CNTN1: variants seen among roughly 807,000 people sequenced by gnomAD.
CNTN1 encodes the protein contactin 1, also known as contactin-1.
Under a neutral mutation model 126.4 loss-of-function variants are expected in CNTN1, and 38 were observed. That is an observed-to-expected ratio of 0.30 (90% confidence interval 0.23 to 0.39). The LOEUF (loss-of-function observed/expected upper bound fraction) is 0.39, where lower values mean the gene tolerates loss of function less well. Ranked by LOEUF, CNTN1 falls within the 10% of genes least tolerant of loss-of-function variation. CNTN1 has a pLI of 1.00. For synonymous variants in CNTN1, 413 were observed against 422.6 expected (o/e 0.98, Z 0.28); for missense variants, 1,009 against 1,248.4 (o/e 0.81, Z 2.89).
chr12:40,840,477 C>T (rs1348069412), intron 1 of CNTN1, among the ~76,000 whole-genome samples: 1 of 151,974 alleles, frequency 6.6e-6, no homozygotes, highest in Non-Finnish European at 1.5e-5. Flanking sequence ...TTAAACTAGT[C>T]TTTAGTCCAA....
chr12:40,871,186 G>GAAAAAAAAAAAAAAAAAAAAA (rs201485882), intron 1 of CNTN1, among the ~76,000 whole-genome samples: 2 of 113,510 alleles, frequency 1.8e-5, no homozygotes, highest in Non-Finnish European at 2.0e-5. Flanking sequence ...CTGTTACAGA[G>GAAAAAAAAAAAAAAAAAAAAA]AAAAAAAAAA....
intron 1 of CNTN1, among the ~76,000 whole-genome samples, chr12:40,871,270 C>T (rs1170785022): frequency 6.7e-6 from 1 of 149,856 alleles, no homozygotes; most frequent in Non-Finnish European, 1.5e-5. Context: ...GTGCTATGTT[C>T]AGGAAGCAGG....
At position 40,954,790 on chromosome 12, in the gene CNTN1, A is replaced by G. The variant is rs140726363; in HGVS notation, c.1684-4324A>G. ...CACACAGGGCAGAGTCAAGAAGTACAAAACACAGAGCTTCTATTATCTTCT... is the reference window on the plus strand; with the variant it reads ...CACACAGGGCAGAGTCAAGAAGTACGAAACACAGAGCTTCTATTATCTTCT... On this transcript the variant is annotated intron_variant, in intron 14 of 23. Transcript: ENST00000551295. Among the ~76,000 whole-genome samples the G allele has an allele frequency of 1.8e-3, 275 of 152,210 alleles. 3 individuals carry two copies. Among genetic ancestry groups the G allele is most frequent in the African/African-American group, 6.3e-3 (260 of 41,566 alleles).
chr12:40,799,423 T>A (rs1940563198), intron 1 of CNTN1, among the ~76,000 whole-genome samples: 1 of 151,898 alleles, frequency 6.6e-6, no homozygotes, highest in Non-Finnish European at 1.5e-5. Flanking sequence ...CCTGATGAGT[T>A]TATTTTTTCC....
At chr12:40,714,726 T>G (rs1265707179) in intron 1 of CNTN1, among the ~76,000 whole-genome samples, 1 of 152,118 alleles carries the variant, frequency 6.6e-6, no homozygotes, top group Non-Finnish European at 1.5e-5. Flanking sequence ...AGTGACTATA[T>G]CATATGAATA....
At chr12:41,064,003 A>G (rs1159095265) in intron 23 of CNTN1, among the ~76,000 whole-genome samples, 5 of 151,952 alleles carry the variant, frequency 3.3e-5, no homozygotes, top group South Asian at 4.1e-4. Context: ...GTGAAACCCC[A>G]TCTCTACTAA....
chr12:40,769,829 G>A (rs1939263118), intron 1 of CNTN1, among the ~76,000 whole-genome samples: 1 of 152,024 alleles, frequency 6.6e-6, no homozygotes, highest in African/African-American at 2.4e-5. Flanking sequence ...ATAATAAATT[G>A]TAATATTTAT....
intron 1 of CNTN1, among the ~76,000 whole-genome samples, chr12:40,871,141 T>G (rs1177368622): frequency 2.1e-5 from 3 of 141,252 alleles, no homozygotes; most frequent in Non-Finnish European, 4.5e-5. Context: ...GTCAGTTATG[T>G]AACTAGTGAG....
chr12:41,017,212 A>T, intron 19 of CNTN1, among the ~76,000 whole-genome samples: 1 of 151,254 alleles, frequency 6.6e-6, no homozygotes, highest in Non-Finnish European at 1.5e-5. Flanking sequence ...TTTTGTAGTC[A>T]GAAACTCTCC....
intron 15 of CNTN1, chr12:40,978,604 G>A (rs1371543926): frequency 1.3e-5 from 2 of 151,986 alleles, no homozygotes; most frequent in Non-Finnish European, 1.5e-5. Flanking sequence ...GAAAACAATG[G>A]ACAAGTATAA....
intron 1 of CNTN1, among the ~76,000 whole-genome samples, chr12:40,842,550 A>T (rs969596366): frequency 9.9e-5 from 15 of 152,112 alleles, no homozygotes; most frequent in Non-Finnish European, 1.8e-4. Context: ...TCATTGTAAA[A>T]GAAAAAATAA....
chr12:40,872,206 CTTTGTT>C (rs1565864985), intron 1 of CNTN1, among the ~76,000 whole-genome samples: 4 of 86,914 alleles, frequency 4.6e-5, no homozygotes, highest in African/African-American at 1.8e-4. Flanking sequence ...TTTTCCGTTG[CTTTGTT>C]TGTGTGTGTG....
intron 6 of CNTN1, 71 bp from the exon 7 acceptor site, chr12:40,929,725 T>C (rs1945816859): frequency 2.7e-6 from 3 of 1,123,422 alleles, no homozygotes; most frequent in East Asian, 4.9e-5. Context: ...AGCTTGTTAC[T>C]AGCCTCTATT....
intron 3 of CNTN1, among the ~76,000 whole-genome samples, chr12:40,913,907 A>G (rs1188901041): frequency 1.3e-5 from 2 of 152,194 alleles, no homozygotes; most frequent in African/African-American, 2.4e-5. Flanking sequence ...TAGATTTATG[A>G]TAATCACATT....
intron 23 of CNTN1, among the ~76,000 whole-genome samples, chr12:41,063,333 C>T (rs1358413006): frequency 6.6e-6 from 1 of 152,168 alleles, no homozygotes; most frequent in Non-Finnish European, 1.5e-5. Context: ...ACACGTTTTT[C>T]CAATTACCAC....
chr12:40,704,412 G>T (rs945092433), intron 1 of CNTN1, among the ~76,000 whole-genome samples: 4 of 151,960 alleles, frequency 2.6e-5, no homozygotes, highest in African/African-American at 9.7e-5. Flanking sequence ...TTGCTGTTAG[G>T]TATCTTATGA....
chr12:41,037,451 C>A (rs73126921), intron 23 of CNTN1, among the ~76,000 whole-genome samples: 1,631 of 152,056 alleles, frequency 0.011, 8 homozygotes, highest in Middle Eastern at 0.024. Flanking sequence ...CAGTAATATG[C>A]TTATGCTGTG....
chr12:40,795,212 C>T (rs1311273921), intron 1 of CNTN1, among the ~76,000 whole-genome samples: 1 of 151,598 alleles, frequency 6.6e-6, no homozygotes, highest in Non-Finnish European at 1.5e-5. Context: ...CTTGCCAACC[C>T]TACACCCACA....
intron 14 of CNTN1, among the ~76,000 whole-genome samples, chr12:40,955,100 AAT>A (rs1032770868): frequency 6.6e-6 from 1 of 151,992 alleles, no homozygotes; most frequent in African/African-American, 2.4e-5. Flanking sequence ...TCTTGCCCGA[AAT>A]CACATGGTTG....
Sources: allele counts gnomAD v4.1 joint callset (sites outside exome capture counted in the v4.1 genomes callset), GRCh38; gene constraint gnomAD v4.1.1; transcripts MANE v1.5; gene names NCBI Gene and HGNC (gene_info 2026-07-23, HGNC 2026-07-21).